The following SESTD1 variants were observed in gnomAD, a reference collection of about 807,000 sequenced individuals.
SESTD1 encodes the protein SEC14 and spectrin domain containing 1.
SESTD1 carries 43 observed loss-of-function variants against 101.7 expected under a neutral mutation model. The observed-to-expected ratio is 0.42, with a 90% CI of 0.33 to 0.55. The LOEUF is 0.55. Ranked by LOEUF, SESTD1 falls within the 20% of genes least tolerant of loss-of-function variation. The pLI is 0.07. For synonymous variants in SESTD1, 283 were observed against 286.8 expected (o/e 0.99, Z 0.13); for missense variants, 647 against 815.1 (o/e 0.79, Z 2.51).
intron 4 of SESTD1, among the ~76,000 whole-genome samples, chr2:179,176,159 C>T (rs1201715700): frequency 6.6e-6 from 1 of 152,178 alleles, no homozygotes; most frequent in Admixed American, 6.5e-5. Flanking sequence ...CTCATCATTT[C>T]AATGCTCACA....
intron 1 of SESTD1, among the ~76,000 whole-genome samples, chr2:179,198,744 T>C (rs1409417773): frequency 6.6e-6 from 1 of 151,954 alleles, no homozygotes; most frequent in Non-Finnish European, 1.5e-5. Flanking sequence ...ATAAAGATGT[T>C]CTTTGAAACC....
In SESTD1 at chr2:179,172,138, C is replaced by T. The variant is rs1049768300; in HGVS notation, c.351G>A (p.Lys117=). The T allele has an allele frequency of 1.2e-5, 20 of 1,607,150 alleles. No homozygotes were observed. The highest frequency in any genetic ancestry group is 2.2e-5 in the East Asian group (1 of 44,684). Reference sequence around the variant, plus strand: ...CATTTACCTCAAAGCCAAGTCTATCCTTCTCCTTCCAAAAACAAAAATGCG... The same window carrying T: ...CATTTACCTCAAAGCCAAGTCTATCTTTCTCCTTCCAAAAACAAAAATGCG... ...KVTHFCFWKE[K]DRLGFEVILV... Residue 117 remains lysine (K), a synonymous_variant, in exon 5 of 18, where the codon AAG becomes AAA. Transcript: ENST00000428443.
intron 1 of SESTD1, among the ~76,000 whole-genome samples, chr2:179,196,508 C>A (rs913267675): frequency 6.6e-6 from 1 of 152,246 alleles, no homozygotes; most frequent in Non-Finnish European, 1.5e-5. Flanking sequence ...GGGGGCAGAG[C>A]ACAGACAAAC....
chr2:179,174,157 G>A, intron 4 of SESTD1, among the ~76,000 whole-genome samples: 1 of 152,180 alleles, frequency 6.6e-6, no homozygotes, highest in East Asian at 1.9e-4. Flanking sequence ...CTGTGAGAAA[G>A]AAGAGAAACC....
chr2:179,138,909 C>T lies in SESTD1; in HGVS notation c.849+4683G>A, dbSNP rs1559108625. On this transcript the variant is annotated intron_variant, in intron 9 of 17. Transcript: ENST00000428443. Reference sequence around the variant, plus strand: ...AAAAAAAAAAAAAAAAATCCTTCCACAAGGACATCTGTCCAGCAATTGCCT... The same window carrying T: ...AAAAAAAAAAAAAAAAATCCTTCCATAAGGACATCTGTCCAGCAATTGCCT... 2.8e-5 allele frequency among the ~76,000 whole-genome samples: 4 copies of T among 142,628 alleles called. No individual in the cohort carries two copies. The South Asian group carries it at 9.1e-4, about 33-fold the overall frequency. The allele number at this position is 142,628 out of a possible 152,430, so 93.6% of individuals were successfully genotyped here. A position where few individuals can be genotyped will look rare whatever the true frequency, so the allele number is the denominator to read the frequency against.
intron 5 of SESTD1, among the ~76,000 whole-genome samples, chr2:179,167,223 A>G (rs565026957): frequency 1.3e-5 from 2 of 152,352 alleles, no homozygotes; most frequent in South Asian, 4.1e-4. Flanking sequence ...TAGAAATGCT[A>G]CAAATCAAAA....
intron 6 of SESTD1, 49 bp downstream of exon 6, chr2:179,151,229 A>T: frequency 8.0e-7 from 1 of 1,246,646 alleles, no homozygotes; most frequent in Non-Finnish European, 1.1e-6. Flanking sequence ...TTATCAAAAT[A>T]TATCTTATTT....
At chr2:179,228,213 G>A (rs1416405678) in intron 1 of SESTD1, among the ~76,000 whole-genome samples, 2 of 152,130 alleles carry the variant, frequency 1.3e-5, no homozygotes, top group Non-Finnish European at 2.9e-5. Flanking sequence ...AATATGTCAC[G>A]GATGTATGTG....
intron 9 of SESTD1, among the ~76,000 whole-genome samples, chr2:179,139,809 C>G (rs2045237679): frequency 6.6e-6 from 1 of 152,090 alleles, no homozygotes; most frequent in Admixed American, 6.6e-5. Flanking sequence ...AGCCCCTTAC[C>G]CTACATGATC....
At chr2:179,154,873 T>A (rs1195269464) in intron 5 of SESTD1, among the ~76,000 whole-genome samples, 2 of 152,200 alleles carry the variant, frequency 1.3e-5, no homozygotes, top group Non-Finnish European at 2.9e-5. Context: ...TGACTGTATA[T>A]TAGTGCATAA....
rs571928418 is a variant in SESTD1 at position 179,185,551 on chromosome 2, CAT to C, written c.56-2365_56-2364del. ...GTATATATGTAATATATGATATGTA[CAT>C]ATGTTATATATGTATATAATATACT... On this transcript the variant is annotated intron_variant, in intron 2 of 17. Coordinates refer to ENST00000428443, the MANE Select transcript of SESTD1 (RefSeq NM_178123.5). Among the ~76,000 whole-genome samples the C allele has an allele frequency of 1.4e-3, 182 of 131,198 alleles. 1 individual carries two copies. The highest frequency in any genetic ancestry group is 4.5e-3 in the African/African-American group (153 of 34,142). The allele number at this position is 131,198 out of a possible 152,430, so 86.1% of individuals were successfully genotyped here.
chr2:179,131,431 T>G (rs1158571671), intron 10 of SESTD1, among the ~76,000 whole-genome samples: 1 of 152,208 alleles, frequency 6.6e-6, no homozygotes, highest in African/African-American at 2.4e-5. Context: ...TTGCAGAAAT[T>G]AATGTTCCGA....
intron 2 of SESTD1, among the ~76,000 whole-genome samples, chr2:179,190,752 A>T (rs922442111): frequency 3.3e-5 from 5 of 152,246 alleles, no homozygotes; most frequent in African/African-American, 9.6e-5. Context: ...TCTCAAAAGA[A>T]GACACACAAG....
chr2:179,260,692 G>A (rs1238649728), intron 1 of SESTD1, among the ~76,000 whole-genome samples: 2 of 152,114 alleles, frequency 1.3e-5, no homozygotes, highest in African/African-American at 4.8e-5. Flanking sequence ...ACCGAAGCCA[G>A]GCATGGATAG....
intron 1 of SESTD1, among the ~76,000 whole-genome samples, chr2:179,213,828 C>T (rs527796198): frequency 7.4e-6 from 1 of 135,462 alleles, no homozygotes; most frequent in East Asian, 2.0e-4. Flanking sequence ...ACAATATTCA[C>T]CATTCTTAAA....
intron 1 of SESTD1, among the ~76,000 whole-genome samples, chr2:179,244,777 T>C (rs11894870): frequency 0.45 from 68,267 of 152,076 alleles, 18,267 homozygotes; most frequent in African/African-American, 0.76. Flanking sequence ...ATAGGCTTCC[T>C]TTGTCTTGAG....
rs764946325 is a variant in SESTD1, at chr2:179,115,259, A to T, written c.1648-3T>A. ...TGCCTGCCATAGTCATAAGTGCTCT[A>T]AAAAAGAAAAGGAAACATAAAATTG... is the stretch of plus-strand genomic sequence containing the variant. On this transcript the variant is annotated splice_region_variant and splice_polypyrimidine_tract_variant and intron_variant, in intron 15 of 17. Transcript: ENST00000428443. 6.4e-7 allele frequency: 1 copy of T among 1,565,588 alleles called. No homozygotes were observed.
chr2:179,183,321 T>C, intron 2 of SESTD1, 133 bp from the exon 3 acceptor site: 1 of 522,416 alleles, frequency 1.9e-6, no homozygotes. Context: ...TAATGGCTAC[T>C]TATAGATTGT....
chr2:179,137,077 C>T (rs944951440), intron 9 of SESTD1, among the ~76,000 whole-genome samples: 3 of 152,250 alleles, frequency 2.0e-5, no homozygotes, highest in Admixed American at 1.3e-4. Context: ...TAGGTTATAA[C>T]TTAATTTCAA....
Sources: allele counts gnomAD v4.1 joint callset (sites outside exome capture counted in the v4.1 genomes callset), GRCh38; gene constraint gnomAD v4.1.1; transcripts MANE v1.5; gene names NCBI Gene and HGNC (gene_info 2026-07-23, HGNC 2026-07-21).